The following PLCE1 variants were observed in gnomAD, a reference collection of about 807,000 sequenced individuals.
The protein encoded by PLCE1 is 1-phosphatidylinositol 4,5-bisphosphate phosphodiesterase epsilon-1.
PLCE1 carries 119 observed loss-of-function variants against 242.8 expected under a neutral mutation model. That is an observed-to-expected ratio of 0.49 (90% CI 0.42 to 0.57). The LOEUF (loss-of-function observed/expected upper bound fraction) is 0.57, where lower values mean the gene tolerates loss of function less well. Ranked by LOEUF, PLCE1 falls within the 20% of genes least tolerant of loss-of-function variation. The pLI, the probability that PLCE1 is intolerant of heterozygous loss-of-function variation, is 0.00. For synonymous variants in PLCE1, 945 were observed against 1,017.4 expected (o/e 0.93, Z 1.35); for missense variants, 2,441 against 2,788.8 (o/e 0.88, Z 2.81).
chr10:94,021,166 T>G (rs1306687411), intron 1 of PLCE1, among the ~76,000 whole-genome samples: 1 of 151,972 alleles, frequency 6.6e-6, no homozygotes, highest in Non-Finnish European at 1.5e-5. Context: ...TACAAGAACC[T>G]TTTCAGATAT....
chr10:94,109,866 T>C (rs1475994190), intron 2 of PLCE1, among the ~76,000 whole-genome samples: 4 of 151,386 alleles, frequency 2.6e-5, no homozygotes, highest in South Asian at 2.1e-4. Context: ...TTTTTTTTTT[T>C]CCTGGCTCCT....
chr10:94,169,717 C>G (rs1324097668), intron 3 of PLCE1, among the ~76,000 whole-genome samples: 1 of 152,132 alleles, frequency 6.6e-6, no homozygotes, highest in Admixed American at 6.5e-5. Context: ...GAGGGCCTAG[C>G]TGAAGTTAGA....
chr10:94,003,529 G>A (rs1044002224), intron 1 of PLCE1, among the ~76,000 whole-genome samples: 2 of 152,178 alleles, frequency 1.3e-5, no homozygotes, highest in African/African-American at 4.8e-5. Context: ...TAATCTAGAA[G>A]CCACTTGGAT....
intron 2 of PLCE1, among the ~76,000 whole-genome samples, chr10:94,076,337 G>T (rs1364910076): frequency 6.6e-6 from 1 of 152,142 alleles, no homozygotes; most frequent in African/African-American, 2.4e-5. Context: ...CTGTACCCTG[G>T]TTGATTTGAT....
chr10:94,196,778 A>G (rs1159586473), intron 4 of PLCE1, among the ~76,000 whole-genome samples: 4 of 152,322 alleles, frequency 2.6e-5, no homozygotes, highest in African/African-American at 9.6e-5. Context: ...TCTATACAAC[A>G]TATCTTTTTG....
At chr10:94,000,092 A>C (rs548750842) in intron 1 of PLCE1, among the ~76,000 whole-genome samples, 1 of 152,270 alleles carries the variant, frequency 6.6e-6, no homozygotes, top group Admixed American at 6.5e-5. Flanking sequence ...TCTATCGTTT[A>C]CTTCGGCTTT....
intron 2 of PLCE1, chr10:94,094,684 C>T (rs936256531): frequency 4.6e-5 from 7 of 152,168 alleles, no homozygotes; most frequent in African/African-American, 1.4e-4. Context: ...CAGTGGTGGA[C>T]GCTCCTTTTG....
intron 3 of PLCE1, among the ~76,000 whole-genome samples, chr10:94,134,287 C>A (rs993331880): frequency 2.6e-5 from 4 of 151,912 alleles, no homozygotes; most frequent in Admixed American, 2.0e-4. Flanking sequence ...TTAGTAGAGA[C>A]GGGGTTTTGC....
At chr10:94,095,452 G>A (rs1564682481) in intron 2 of PLCE1, among the ~76,000 whole-genome samples, 1 of 152,146 alleles carries the variant, frequency 6.6e-6, no homozygotes, top group African/African-American at 2.4e-5. Context: ...CACCTCCCAG[G>A]TTCAAGCGAT....
chr10:94,147,194 C>T lies in PLCE1; in HGVS notation c.1492+14735C>T, dbSNP rs143514029. Among the ~76,000 whole-genome samples the T allele has an allele frequency of 1.9e-4, 29 of 151,946 alleles. No homozygotes were observed. The East Asian group carries it at 4.3e-3, about 22-fold the overall frequency. On this transcript the variant is annotated intron_variant, in intron 3 of 32. Coordinates refer to ENST00000371380, the MANE Select transcript of PLCE1 (RefSeq NM_016341.4). ...ACCAGCACTTTGGGAGGCCGAGGCACGCAGATCACCTGAGGTCAGGAGTGC... is the reference window on the plus strand; with the variant it reads ...ACCAGCACTTTGGGAGGCCGAGGCATGCAGATCACCTGAGGTCAGGAGTGC...
At chr10:94,297,106 G>T (rs2052852493) in intron 23 of PLCE1, among the ~76,000 whole-genome samples, 1 of 152,210 alleles carries the variant, frequency 6.6e-6, no homozygotes, top group South Asian at 2.1e-4. Context: ...GACCTCTGGT[G>T]ATCCACCCGC....
intron 4 of PLCE1, among the ~76,000 whole-genome samples, chr10:94,202,589 C>T (rs1158866329): frequency 6.6e-6 from 1 of 152,094 alleles, no homozygotes; most frequent in African/African-American, 2.4e-5. Context: ...TAGGATATTT[C>T]CCCCATTATT....
At chr10:94,163,548 G>A (rs1441752990) in intron 3 of PLCE1, among the ~76,000 whole-genome samples, 2 of 152,018 alleles carry the variant, frequency 1.3e-5, no homozygotes, top group Non-Finnish European at 2.9e-5. Context: ...GCCTATGTGT[G>A]TCTCTGCACA....
At chr10:94,243,098 C>T (rs2050562679) in intron 7 of PLCE1, among the ~76,000 whole-genome samples, 1 of 152,150 alleles carries the variant, frequency 6.6e-6, no homozygotes, top group Admixed American at 6.5e-5. Flanking sequence ...ATAGTAGTAA[C>T]TGTACAGTGG....
chr10:94,181,569 C>G (rs1190581117), intron 4 of PLCE1, among the ~76,000 whole-genome samples: 1 of 151,690 alleles, frequency 6.6e-6, no homozygotes, highest in Non-Finnish European at 1.5e-5. Context: ...GAGCAAGACT[C>G]TGTCTCAAAA....
At chr10:94,148,778 C>T (rs567815919) in intron 3 of PLCE1, among the ~76,000 whole-genome samples, 2 of 152,302 alleles carry the variant, frequency 1.3e-5, no homozygotes, top group South Asian at 2.1e-4. Context: ...CAGATATGTT[C>T]AGCAAAGCGT....
chr10:94,082,940 A>G (rs2044695898), intron 2 of PLCE1, among the ~76,000 whole-genome samples: 1 of 152,252 alleles, frequency 6.6e-6, no homozygotes. Context: ...GCAAAAATAC[A>G]GAGATTTTTA....
chr10:94,179,698 A>G (rs1327958502), intron 4 of PLCE1, among the ~76,000 whole-genome samples: 2 of 150,872 alleles, frequency 1.3e-5, no homozygotes, highest in African/African-American at 4.9e-5. Context: ...TAGAGATGGG[A>G]TTTCACTGTG....
intron 25 of PLCE1, 82 bp downstream of exon 25, chr10:94,304,727 G>A: frequency 7.4e-7 from 1 of 1,348,800 alleles, no homozygotes; most frequent in South Asian, 1.2e-5. Flanking sequence ...TCAAGGCATT[G>A]GAAAGCTGTC....
Sources: gnomAD v4.1 joint callset for allele counts (sites outside exome capture counted in the v4.1 genomes callset) on GRCh38, gnomAD v4.1.1 for gene constraint, MANE v1.5 for transcripts, NCBI Gene and HGNC (gene_info 2026-07-23, HGNC 2026-07-21) for gene names.